ATP5MC1: variants seen among roughly 807,000 people sequenced by gnomAD.
The protein encoded by ATP5MC1 is ATP synthase F(0) complex subunit C1, mitochondrial.
Under a neutral mutation model 12.1 loss-of-function variants are expected in ATP5MC1, and 4 were observed. The ratio of observed to expected loss-of-function variants is 0.33; its 90% CI spans 0.16 to 0.76. ATP5MC1 has a LOEUF of 0.76. Among genes scored for constraint, ATP5MC1 ranks in the 30% least tolerant of loss-of-function variants. ATP5MC1 has a pLI of 0.61. For missense variants in ATP5MC1, 117 were observed against 172.1 expected (o/e 0.68, Z 1.79); for synonymous variants, 52 against 66.0 (o/e 0.79, Z 1.03).
chr17:48,895,829 G>T lies in ATP5MC1; in HGVS notation c.*60G>T. Reference sequence around the variant, plus strand: ...GCAACTCCACACCATTCTTGGTGCTGGGGTGTGTTAAGCTTTACCATTAAA... The same window carrying T: ...GCAACTCCACACCATTCTTGGTGCTTGGGTGTGTTAAGCTTTACCATTAAA... On this transcript the variant is annotated 3_prime_UTR_variant, in exon 5 of 5. Transcript: ENST00000393366. 15 of 1,479,666 alleles carry T rather than the reference G, an allele frequency of 1.0e-5. No homozygotes were observed. In the Middle Eastern group the frequency reaches 1.8e-3, roughly 176 times the overall value. The allele number at this position is 1,479,666 out of a possible 1,614,324, so 91.7% of individuals were successfully genotyped here.
Position 48,895,812 on chromosome 17 carries a change from A to T in ATP5MC1, c.*43A>T. The T allele has an allele frequency of 6.5e-7, 1 of 1,530,876 alleles. No homozygotes were observed. The allele number at this position is 1,530,876 out of a possible 1,614,324, so 94.8% of individuals were successfully genotyped here. On this transcript the variant is annotated 3_prime_UTR_variant, in exon 5 of 5. Transcript: ENST00000393366. ...ACCGGCCTGTTGCTACTGCAACTCC[A>T]CACCATTCTTGGTGCTGGGGTGTGT... is the stretch of plus-strand genomic sequence containing the variant.
chr17:48,894,947 T>G (rs1389294762), intron 3 of ATP5MC1: 3 of 692,948 alleles, frequency 4.3e-6, no homozygotes, highest in Non-Finnish European at 7.8e-6. Flanking sequence ...GCCTAACCCA[T>G]GAAATTTCCC....
At chr17:48,894,835 T>G in intron 3 of ATP5MC1, 1 of 546,854 alleles carries the variant, frequency 1.8e-6, no homozygotes, top group Non-Finnish European at 3.5e-6. Flanking sequence ...TAAGTTGCCT[T>G]TAGACCAAAG....
In ATP5MC1 at chr17:48,895,265, C is replaced by T. The variant is rs2040561978; in HGVS notation, c.227C>T (p.Thr76Ile). The change falls in exon 4 of 5, where the codon ACA (threonine) becomes ATA (isoleucine). Residue 76 changes from threonine (T) to isoleucine (I), a missense_variant. Transcript: ENST00000393366. ...AAKFIGAGAA[T>I]VGVAGSGAGI... ...AAGTTTATTGGTGCTGGGGCAGCCACAGTTGGTGTGGCTGGTTCAGGGGCT... is the reference window on the plus strand; with the variant it reads ...AAGTTTATTGGTGCTGGGGCAGCCATAGTTGGTGTGGCTGGTTCAGGGGCT... 6.2e-7 allele frequency: 1 copy of T among 1,609,794 alleles called. No individual in the cohort carries two copies. The highest frequency in any genetic ancestry group is 1.3e-5 in the African/African-American group (1 of 74,752).
rs751394248 is a variant in ATP5MC1 at position 48,892,822 on chromosome 17, C to T, written c.-98C>T. Reference sequence around the variant, plus strand: ...GGTGGGGGAAGCTGAGCGCTGAGACCAAGGGCTAAAGCTGGGAGGTGAGTC... The same window carrying T: ...GGTGGGGGAAGCTGAGCGCTGAGACTAAGGGCTAAAGCTGGGAGGTGAGTC... On this transcript the variant is annotated 5_prime_UTR_variant, in exon 1 of 5. Coordinates refer to ENST00000393366, the MANE Select transcript of ATP5MC1 (RefSeq NM_005175.3). 1 of 153,452 alleles carries T rather than the reference C, an allele frequency of 6.5e-6. No homozygotes were observed. The highest frequency in any genetic ancestry group is 1.5e-5 in the Non-Finnish European group (1 of 68,830). 9.5% of individuals were successfully genotyped at this position (153,452 alleles called of 1,614,324 possible). A position where few individuals can be genotyped will look rare whatever the true frequency, so the allele number is the denominator to read the frequency against.
chr17:48,895,829 G>A lies in ATP5MC1; in HGVS notation c.*60G>A. The A allele has an allele frequency of 1.4e-6, 2 of 1,479,666 alleles. No individual in the cohort carries two copies. Among genetic ancestry groups the A allele is most frequent in the Non-Finnish European group, 1.9e-6 (2 of 1,062,364 alleles). 91.7% of individuals were successfully genotyped at this position (1,479,666 alleles called of 1,614,324 possible). On this transcript the variant is annotated 3_prime_UTR_variant, in exon 5 of 5. Coordinates refer to ENST00000393366, the MANE Select transcript of ATP5MC1 (RefSeq NM_005175.3). ...GCAACTCCACACCATTCTTGGTGCTGGGGTGTGTTAAGCTTTACCATTAAA... is the reference window on the plus strand; with the variant it reads ...GCAACTCCACACCATTCTTGGTGCTAGGGTGTGTTAAGCTTTACCATTAAA...
rs748350954 is a variant in ATP5MC1, at chr17:48,894,458, G to C, written c.117+9G>C. 1 of 1,611,864 alleles carries C rather than the reference G, an allele frequency of 6.2e-7. No individual in the cohort carries two copies. The highest frequency in any genetic ancestry group is 8.5e-7 in the Non-Finnish European group (1 of 1,179,410). ...TGAATTCATCTAAACAGGTAAGGGA[G>C]GAATAGCTCTCTTAGGAATGTTCCC... On this transcript the variant is annotated intron_variant, in intron 3 of 4. Coordinates refer to ENST00000393366, the MANE Select transcript of ATP5MC1 (RefSeq NM_005175.3).
intron 4 of ATP5MC1, 25 bp downstream of exon 4, chr17:48,895,359 C>A (rs1311229875): frequency 1.3e-6 from 2 of 1,561,926 alleles, no homozygotes; most frequent in Non-Finnish European, 1.7e-6. Context: ...TCTACAGCAT[C>A]TCCCACTGTA....
chr17:48,894,282 T>C, intron 2 of ATP5MC1, 90 bp from the exon 3 acceptor site: 2 of 1,242,680 alleles, frequency 1.6e-6, no homozygotes, highest in Admixed American at 1.7e-5. Flanking sequence ...TTATTCTGTT[T>C]ATGAAATCTG....
chr17:48,893,559 A>T (rs768979888), intron 2 of ATP5MC1, 103 bp downstream of exon 2: 2 of 1,295,680 alleles, frequency 1.5e-6, no homozygotes, highest in Non-Finnish European at 2.2e-6. Context: ...CTGATGATGT[A>T]GGCTCTTTGA....
At chr17:48,895,036 C>A in intron 3 of ATP5MC1, 120 bp from the exon 4 acceptor site, 1 of 1,134,162 alleles carries the variant, frequency 8.8e-7, no homozygotes, top group Non-Finnish European at 1.3e-6. Context: ...CTGCATTTAC[C>A]AGGCAGTTTG....
At chr17:48,895,112 A>G (rs1170902450) in intron 3 of ATP5MC1, 44 bp from the exon 4 acceptor site, 24 of 1,547,044 alleles carry the variant, frequency 1.6e-5, no homozygotes, top group Non-Finnish European at 2.1e-5. Flanking sequence ...TCCTTATGCC[A>G]TACTATCTCT....
Position 48,893,455 on chromosome 17 carries a change from T to C in ATP5MC1, c.38T>C (p.Leu13Pro), listed in dbSNP as rs368642071. 4 of 1,613,834 alleles carry C rather than the reference T, an allele frequency of 2.5e-6. No individual in the cohort carries two copies. The highest frequency in any genetic ancestry group is 1.7e-5 in the Admixed American group (1 of 59,998). Residue 13 changes from leucine (L) to proline (P), a missense_variant and splice_region_variant, in exon 2 of 5, where the codon CTG becomes CCG. By Grantham distance (98) the Leu-to-Pro change is moderately conservative. Transcript: ENST00000393366. ...TAGALFISPA[L>P]IRCCTRGLIR... ...GGGGCATTATTCATTTCTCCAGCTC[T>C]GGTAAGGTGCCGCGCCGCAGTGCTC...
chr17:48,893,404 T>C lies in ATP5MC1; in HGVS notation c.-9-5T>C, dbSNP rs781541935. ...TTATTATTACTATTTTTTCCCCCTC[T>C]GCAGACTGAAAAAATGCAGACCGCC... On this transcript the variant is annotated splice_polypyrimidine_tract_variant and splice_region_variant and intron_variant, in intron 1 of 4. Transcript: ENST00000393366. 11 of 1,613,888 alleles carry C rather than the reference T, an allele frequency of 6.8e-6. No homozygotes were observed. In the East Asian group the frequency reaches 8.9e-5, roughly 13 times the overall value.
At chr17:48,895,108 T>G (rs755473020) in intron 3 of ATP5MC1, 48 bp from the exon 4 acceptor site, 2 of 1,547,816 alleles carry the variant, frequency 1.3e-6, no homozygotes, top group Admixed American at 3.6e-5. Flanking sequence ...CCTGTCCTTA[T>G]GCCATACTAT....
chr17:48,895,607 C>T, intron 4 of ATP5MC1, 48 bp from the exon 5 acceptor site: 8 of 1,549,108 alleles, frequency 5.2e-6, no homozygotes, highest in Non-Finnish European at 5.3e-6. Context: ...CTCCCCTCCC[C>T]TCACCCCTTC....
Position 48,893,283 on chromosome 17 carries a change from G to T in ATP5MC1, c.-9-126G>T, listed in dbSNP as rs1048260606. On this transcript the variant is annotated intron_variant, in intron 1 of 4. Coordinates refer to ENST00000393366, the MANE Select transcript of ATP5MC1 (RefSeq NM_005175.3). ...CTAATGCCCTCCTCAGCTGGGGCAC[G>T]GTGCAAGGAAGAGCGTGGTCTAGGG... The T allele has an allele frequency of 1.4e-5, 13 of 915,392 alleles. No individual in the cohort carries two copies. In the East Asian group the frequency reaches 3.4e-4, roughly 24 times the overall value. The allele number at this position is 915,392 out of a possible 1,614,324, so 56.7% of individuals were successfully genotyped here. A position where few individuals can be genotyped will look rare whatever the true frequency, so the allele number is the denominator to read the frequency against.
chr17:48,894,377 C>T lies in ATP5MC1; in HGVS notation c.45C>T (p.Arg15=). The change falls in exon 3 of 5, where the codon CGC becomes CGT. Residue 15 remains arginine, a synonymous_variant. Transcript: ENST00000393366. ...GALFISPALI[R]CCTRGLIRPV... ...GTGGCTTTCTGATTTTACAGATCCG[C>T]TGTTGTACCAGGGGTCTAATCAGGC... 6.2e-7 allele frequency: 1 copy of T among 1,613,984 alleles called. No individual in the cohort carries two copies. Among genetic ancestry groups the T allele is most frequent in the East Asian group, 2.2e-5 (1 of 44,888 alleles).
chr17:48,893,164 C>A (rs1397407549), intron 1 of ATP5MC1: 2 of 504,706 alleles, frequency 4.0e-6, no homozygotes, highest in Non-Finnish European at 7.1e-6. Context: ...CATTCCCTTT[C>A]GCAACATTTC....
Sources: gnomAD v4.1 joint callset for allele counts on GRCh38, gnomAD v4.1.1 for gene constraint, MANE v1.5 for transcripts, NCBI Gene and HGNC (gene_info 2026-07-23, HGNC 2026-07-21) for gene names.